Variants in NALCN observed in about 807,000 individuals in gnomAD.
The protein encoded by NALCN is sodium leak channel NALCN.
A neutral mutation model predicts 225.3 loss-of-function variants in NALCN; 111 were observed. The ratio of observed to expected loss-of-function variants is 0.49; its 90% CI spans 0.42 to 0.58. The LOEUF is 0.58. NALCN is among the 20% of genes least tolerant of loss of function. NALCN has a pLI of 0.00. For synonymous variants in NALCN, 764 were observed against 769.0 expected (o/e 0.99, Z 0.11); for missense variants, 1,378 against 2,202.4 (o/e 0.63, Z 7.49).
chr13:101,247,080 T>C (rs2041918568), intron 11 of NALCN, among the ~76,000 whole-genome samples: 2 of 152,184 alleles, frequency 1.3e-5, no homozygotes, highest in Admixed American at 6.5e-5. Flanking sequence ...TCAGGCAATG[T>C]TGGACTCAAT....
In NALCN at chr13:101,378,587, C is replaced by G; in HGVS notation, c.358G>C (p.Val120Leu). ...TTAATTACCTGTAGCACCAAAGAAA[C>G]CCAAAGGCAAAAGACCATAAATCCA... ...FDGFMVFCLW[V>L]SLVLQVFEIA... Residue 120 changes from valine (V) to leucine (L), a missense_variant, in exon 4 of 44, where the codon GTT (valine) becomes CTT (leucine). By Grantham distance (32) the Val-to-Leu change is conservative. Around this residue, in one of 19 missense-constraint regions of NALCN, gnomAD observed 146 missense variants for 205.9 expected, o/e 0.71. Coordinates refer to ENST00000251127, the MANE Select transcript of NALCN (RefSeq NM_052867.4). 1 of 1,607,578 alleles carries G rather than the reference C, an allele frequency of 6.2e-7. No homozygotes were observed.
At chr13:101,226,525 T>A (rs1383207567) in intron 13 of NALCN, among the ~76,000 whole-genome samples, 1 of 152,188 alleles carries the variant, frequency 6.6e-6, no homozygotes, top group Non-Finnish European at 1.5e-5. Context: ...GGCCAGCTGA[T>A]CTTTTTATTT....
intron 22 of NALCN, among the ~76,000 whole-genome samples, chr13:101,106,539 C>T (rs1160512402): frequency 6.6e-6 from 1 of 152,108 alleles, no homozygotes; most frequent in Non-Finnish European, 1.5e-5. Context: ...GCTCTGCGTC[C>T]CTACCCAAAT....
chr13:101,335,831 T>C (rs933247290), intron 7 of NALCN, among the ~76,000 whole-genome samples: 3 of 152,084 alleles, frequency 2.0e-5, no homozygotes, highest in African/African-American at 4.8e-5. Context: ...GTTGTAGATA[T>C]ATAACTTTCT....
At chr13:101,350,124 T>C (rs1318760193) in intron 6 of NALCN, among the ~76,000 whole-genome samples, 1 of 152,182 alleles carries the variant, frequency 6.6e-6, no homozygotes, top group Non-Finnish European at 1.5e-5. Flanking sequence ...ACTCTTAGCC[T>C]TTCTGATACA....
chr13:101,378,317 A>T (rs1451335900), intron 4 of NALCN, among the ~76,000 whole-genome samples: 1 of 152,166 alleles, frequency 6.6e-6, no homozygotes, highest in African/African-American at 2.4e-5. Context: ...CCTTGTATAC[A>T]TCAAATATCA....
chr13:101,388,434 A>AAT (rs1555345231), intron 3 of NALCN, among the ~76,000 whole-genome samples: 3 of 151,846 alleles, frequency 2.0e-5, no homozygotes, highest in Admixed American at 2.0e-4. Flanking sequence ...AAAAAAAAAA[A>AAT]TTTTGGTTGT....
At chr13:101,239,939 T>TA (rs2041698057) in intron 11 of NALCN, among the ~76,000 whole-genome samples, 1 of 152,096 alleles carries the variant, frequency 6.6e-6, no homozygotes, top group Admixed American at 6.5e-5. Context: ...TTTATATGTT[T>TA]ATTAATCACT....
chr13:101,283,926 A>C lies in NALCN; in HGVS notation c.1134+7T>G. On this transcript the variant is annotated splice_region_variant and intron_variant, in intron 10 of 43. Transcript: ENST00000251127. ...GGGCGATTTTTAAAAATGTCATTGT[A>C]CTGCACCTGGAGGCAGGCTGGGGCG... The C allele has an allele frequency of 6.2e-7, 1 of 1,607,134 alleles. No homozygotes were observed. The highest frequency in any genetic ancestry group is 8.5e-7 in the Non-Finnish European group (1 of 1,177,986).
At chr13:101,083,897 G>T in intron 30 of NALCN, 93 bp from the exon 31 acceptor site, 1 of 1,161,560 alleles carries the variant, frequency 8.6e-7, no homozygotes, top group Non-Finnish European at 1.2e-6. Flanking sequence ...CAGGACTGAT[G>T]TGAGGGCTTG....
At chr13:101,240,426 A>T (rs2041717265) in intron 11 of NALCN, among the ~76,000 whole-genome samples, 1 of 151,462 alleles carries the variant, frequency 6.6e-6, no homozygotes, top group Non-Finnish European at 1.5e-5. Flanking sequence ...AAAGCTATTG[A>T]TTTCTCTATA....
chr13:101,065,901 C>T (rs766142277), intron 39 of NALCN, among the ~76,000 whole-genome samples: 1 of 152,172 alleles, frequency 6.6e-6, no homozygotes, highest in Non-Finnish European at 1.5e-5. Context: ...CCCACAGACG[C>T]CACCTCCAAC....
chr13:101,202,543 C>T (rs957937820), intron 13 of NALCN, among the ~76,000 whole-genome samples: 3 of 152,254 alleles, frequency 2.0e-5, no homozygotes, highest in Non-Finnish European at 1.5e-5. Flanking sequence ...TCTTCAAATT[C>T]CATCTCTCTG....
rs187044160 is a variant in NALCN, at chr13:101,327,833, T to G, written c.799+17433A>C. 6.4e-3 allele frequency among the ~76,000 whole-genome samples: 981 copies of G among 152,262 alleles called. 14 individuals carry two copies. Among genetic ancestry groups the G allele is most frequent in the African/African-American group, 0.022 (922 of 41,540 alleles). On this transcript the variant is annotated intron_variant, in intron 7 of 43. Transcript: ENST00000251127. ...GGAAGATAGAATCAAAAAAGAAGCTTGGGCTGAGTGGTTTTTCCTACCTTT... is the reference window on the plus strand; with the variant it reads ...GGAAGATAGAATCAAAAAAGAAGCTGGGGCTGAGTGGTTTTTCCTACCTTT...
Position 101,402,156 on chromosome 13 carries a change from AAT to A in NALCN, c.-39-2993_-39-2992del, listed in dbSNP as rs144380105. On this transcript the variant is annotated intron_variant, in intron 1 of 43. Transcript: ENST00000251127. ...TATCATTATTATGTTTTTATAAGCCAATATCTCTTTTTTCTGTTTACCAAAGT... is the reference window on the plus strand; with the variant it reads ...TATCATTATTATGTTTTTATAAGCCAATCTCTTTTTTCTGTTTACCAAAGT... 3.4e-3 allele frequency among the ~76,000 whole-genome samples: 525 copies of A among 152,278 alleles called. 3 individuals are homozygous for A. Among genetic ancestry groups the A allele is most frequent in the African/African-American group, 0.011 (476 of 41,550 alleles).
At chr13:101,213,621 A>G (rs1222039848) in intron 13 of NALCN, among the ~76,000 whole-genome samples, 5 of 152,218 alleles carry the variant, frequency 3.3e-5, no homozygotes, top group Non-Finnish European at 7.3e-5. Flanking sequence ...ACTCCTTCAA[A>G]AAGTGGGCGA....
At chr13:101,068,105 T>C (rs1376925330) in intron 38 of NALCN, 72 bp from the exon 39 acceptor site, 1 of 918,052 alleles carries the variant, frequency 1.1e-6, no homozygotes, top group Non-Finnish European at 1.6e-6. Context: ...GAGTAAAACA[T>C]CTATTATTAA....
At chr13:101,212,807 C>CTATCCATCTGAAGTCT (rs1329016337) in intron 13 of NALCN, among the ~76,000 whole-genome samples, 1 of 152,106 alleles carries the variant, frequency 6.6e-6, no homozygotes, top group African/African-American at 2.4e-5. Context: ...TTTAAAAAGT[C>CTATCCATCTGAAGTCT]TATCCATCTG....
At chr13:101,262,596 C>A (rs757345239) in intron 10 of NALCN, among the ~76,000 whole-genome samples, 1 of 152,192 alleles carries the variant, frequency 6.6e-6, no homozygotes, top group African/African-American at 2.4e-5. Context: ...ATCCTTTAGT[C>A]CTTGCAGCTC....
Sources: allele counts gnomAD v4.1 joint callset (sites outside exome capture counted in the v4.1 genomes callset), GRCh38; gene constraint gnomAD v4.1.1; regional missense constraint gnomAD v4.1.1; transcripts MANE v1.5; gene names NCBI Gene and HGNC (gene_info 2026-07-23, HGNC 2026-07-21).